Variants in CNOT10 observed in about 807,000 individuals in gnomAD.
The protein encoded by CNOT10 is CCR4-NOT transcription complex, subunit 10.
Under a neutral mutation model 94.6 loss-of-function variants are expected in CNOT10, and 30 were observed. The ratio of observed to expected loss-of-function variants is 0.32; its 90% CI spans 0.24 to 0.43. CNOT10 has a LOEUF of 0.43. Ranked by LOEUF, CNOT10 falls within the 20% of genes least tolerant of loss-of-function variation. The pLI is 1.00. For synonymous variants in CNOT10, 289 were observed against 301.6 expected (o/e 0.96, Z 0.43); for missense variants, 759 against 877.2 (o/e 0.87, Z 1.70).
intron 1 of CNOT10, among the ~76,000 whole-genome samples, chr3:32,687,485 T>A: frequency 9.6e-6 from 1 of 103,934 alleles, no homozygotes; most frequent in East Asian, 3.2e-4. Context: ...GGAGTCTCGC[T>A]CTGTCACCCA....
intron 1 of CNOT10, among the ~76,000 whole-genome samples, chr3:32,690,100 T>C (rs1245694245): frequency 1.3e-5 from 2 of 152,150 alleles, no homozygotes; most frequent in African/African-American, 4.8e-5. Context: ...TTTTAACTAA[T>C]GGGAAGAGAG....
At chr3:32,692,703 A>G (rs1157725740) in intron 1 of CNOT10, among the ~76,000 whole-genome samples, 1 of 152,132 alleles carries the variant, frequency 6.6e-6, no homozygotes, top group Admixed American at 6.5e-5. Flanking sequence ...ATTTTTACCT[A>G]GTTCTATTGT....
chr3:32,773,608 G>C lies in CNOT10; in HGVS notation c.2232G>C (p.Lys744Asn). ...QMPAFTTVQR[K>N] ...CGGCTTTCACCACTGTGCAGAGAAA[G>C]TGATACTTCACTTTTGGAAAACTGT... Residue 744 changes from lysine to asparagine, a missense_variant, in exon 19 of 19, where the codon AAG becomes AAC. Lys to Asn is a moderately conservative substitution (Grantham distance 94, BLOSUM62 0). Around this residue, in one of 3 missense-constraint regions of CNOT10, gnomAD observed 73 missense variants for 61.0 expected, o/e 1.20. Coordinates refer to ENST00000328834, the MANE Select transcript of CNOT10 (RefSeq NM_015442.3). The C allele has an allele frequency of 6.2e-7, 1 of 1,606,112 alleles. No individual in the cohort carries two copies. The highest frequency in any genetic ancestry group is 8.5e-7 in the Non-Finnish European group (1 of 1,177,190).
rs1417604303 is a variant in CNOT10 at position 32,739,850 on chromosome 3, A to C, written c.1595+2360A>C. 2.6e-5 allele frequency among the ~76,000 whole-genome samples: 4 copies of C among 152,078 alleles called. No individual in the cohort carries two copies. The East Asian group carries it at 7.7e-4, about 29-fold the overall frequency. The stretch of plus-strand genomic sequence containing the variant: ...TGAGGCTGGAGAATCACTTGAGCCC[A>C]GGAGGCAGAAGTTGCAGTAAGCCAA... On this transcript the variant is annotated intron_variant, in intron 13 of 18. Coordinates refer to ENST00000328834, the MANE Select transcript of CNOT10 (RefSeq NM_015442.3).
chr3:32,706,687 C>T (rs755634685), intron 3 of CNOT10, among the ~76,000 whole-genome samples: 6 of 152,168 alleles, frequency 3.9e-5, no homozygotes, highest in Admixed American at 6.5e-5. Context: ...GAATCCAAAA[C>T]GCCATAGTTT....
intron 5 of CNOT10, among the ~76,000 whole-genome samples, chr3:32,714,725 A>G (rs1161390497): frequency 6.6e-6 from 1 of 152,126 alleles, no homozygotes; most frequent in East Asian, 1.9e-4. Flanking sequence ...AAAAAAGCAT[A>G]CATTTATGAT....
chr3:32,722,052 TATC>T (rs1446439951), intron 8 of CNOT10, among the ~76,000 whole-genome samples: 1 of 152,228 alleles, frequency 6.6e-6, no homozygotes, highest in Non-Finnish European at 1.5e-5. Flanking sequence ...TTTAGGTTTA[TATC>T]ATCAGTATTT....
chr3:32,710,108 C>T (rs557819558), intron 4 of CNOT10, among the ~76,000 whole-genome samples: 1 of 125,768 alleles, frequency 8.0e-6, no homozygotes, highest in East Asian at 2.3e-4. Flanking sequence ...GATTGCACCA[C>T]AGCATTCCAG....
chr3:32,685,579 G>C, intron 1 of CNOT10, 97 bp downstream of exon 1: 1 of 1,370,710 alleles, frequency 7.3e-7, no homozygotes, highest in Non-Finnish European at 1.0e-6. Context: ...GGGGACTCCA[G>C]GGCGACTTGA....
intron 13 of CNOT10, among the ~76,000 whole-genome samples, chr3:32,755,227 CAA>C (rs1159721417): frequency 6.8e-6 from 1 of 147,310 alleles, no homozygotes; most frequent in Non-Finnish European, 1.5e-5. Flanking sequence ...GCCTGGGTGA[CAA>C]GAGCGAAACT....
At chr3:32,710,864 T>A (rs1419177280) in intron 4 of CNOT10, among the ~76,000 whole-genome samples, 1 of 152,076 alleles carries the variant, frequency 6.6e-6, no homozygotes, top group Admixed American at 6.5e-5. Context: ...GGGATTACAG[T>A]CACGCGCCAC....
At chr3:32,686,232 G>T (rs1452487409) in intron 1 of CNOT10, among the ~76,000 whole-genome samples, 6 of 152,084 alleles carry the variant, frequency 3.9e-5, no homozygotes, top group Non-Finnish European at 5.9e-5. Context: ...TCCTGACCTT[G>T]TCCGGAATGT....
chr3:32,712,751 A>G (rs554957089), intron 4 of CNOT10, among the ~76,000 whole-genome samples: 5 of 152,244 alleles, frequency 3.3e-5, no homozygotes, highest in Non-Finnish European at 7.4e-5. Flanking sequence ...AGGTGAAAGG[A>G]TCTCTTGAGC....
At chr3:32,715,046 T>G (rs1179127792) in intron 5 of CNOT10, among the ~76,000 whole-genome samples, 2 of 152,198 alleles carry the variant, frequency 1.3e-5, no homozygotes, top group African/African-American at 4.8e-5. Context: ...AGTAAAATAT[T>G]TATATTCAGT....
chr3:32,716,751 G>T (rs1447418171), intron 6 of CNOT10, among the ~76,000 whole-genome samples: 1 of 152,050 alleles, frequency 6.6e-6, no homozygotes, highest in Non-Finnish European at 1.5e-5. Context: ...AGTTTCAAGC[G>T]ATTCTCCTGC....
At chr3:32,732,224 C>T (rs1382268703) in intron 10 of CNOT10, among the ~76,000 whole-genome samples, 2 of 151,808 alleles carry the variant, frequency 1.3e-5, no homozygotes, top group African/African-American at 4.8e-5. Context: ...AACCCCATCT[C>T]TACTAAAATA....
At chr3:32,730,661 A>G (rs1482047943) in intron 10 of CNOT10, 1 of 152,240 alleles carries the variant, frequency 6.6e-6, no homozygotes, top group African/African-American at 2.4e-5. Flanking sequence ...TTATTTAGTC[A>G]GGACAGGAGG....
At chr3:32,737,773 G>C (rs1410624470) in intron 13 of CNOT10, among the ~76,000 whole-genome samples, 1 of 151,582 alleles carries the variant, frequency 6.6e-6, no homozygotes, top group Admixed American at 6.6e-5. Flanking sequence ...CAGTGAGTGT[G>C]CCACTGCACT....
At chr3:32,764,381 CT>C in intron 15 of CNOT10, 73 bp from the exon 16 acceptor site, 7 of 1,448,278 alleles carry the variant, frequency 4.8e-6, no homozygotes, top group Non-Finnish European at 6.7e-6. Context: ...CCTCTACCTT[CT>C]GAGCCCGAGG....
Sources: allele counts gnomAD v4.1 joint callset (sites outside exome capture counted in the v4.1 genomes callset), GRCh38; gene constraint gnomAD v4.1.1; regional missense constraint gnomAD v4.1.1; transcripts MANE v1.5; gene names NCBI Gene and HGNC (gene_info 2026-07-23, HGNC 2026-07-21).